Variants in ACOT7 observed in about 807,000 individuals in gnomAD.
ACOT7 encodes cytosolic acyl coenzyme A thioester hydrolase.
In ACOT7, 12 loss-of-function variants were observed where a neutral mutation model predicts 40.2. The ratio of observed to expected loss-of-function variants is 0.30; its 90% CI spans 0.19 to 0.48. ACOT7 has a LOEUF of 0.48. Ranked by LOEUF, ACOT7 falls within the 20% of genes least tolerant of loss-of-function variation. The probability of loss-of-function intolerance (pLI) is 0.99; values close to 1 mark genes in which losing one functional copy is unlikely to be tolerated. For missense variants in ACOT7, 395 were observed against 530.8 expected (o/e 0.74, Z 2.51); for synonymous variants, 228 against 219.5 (o/e 1.04, Z -0.34).
intron 8 of ACOT7, among the ~76,000 whole-genome samples, chr1:6,279,619 A>G (rs1347019428): frequency 1.3e-5 from 2 of 152,194 alleles, no homozygotes; most frequent in African/African-American, 4.8e-5. Context: ...AGCCTGGCCG[A>G]GTCCTCCTCA....
rs903823208 is a variant in ACOT7, at chr1:6,288,593, G to C, written c.829+6271C>G. Among the ~76,000 whole-genome samples, 10 of 152,326 alleles carry C rather than the reference G, an allele frequency of 6.6e-5. No homozygotes were observed. Among genetic ancestry groups the C allele is most frequent in the Non-Finnish European group, 1.3e-4 (9 of 68,024 alleles). The stretch of plus-strand genomic sequence containing the variant: ...GTCAAAAGGCTGTGACAATGGAGGT[G>C]GCACTGGGTTGGGCTGGTGAGGGGT... On this transcript the variant is annotated intron_variant, in intron 7 of 8. Transcript: ENST00000361521. This position sits in a 1 kb window ranked among gnomAD's most constrained non-coding sequence, Gnocchi z 4.3.
Position 6,393,491 on chromosome 1 carries a change from G to A in ACOT7, c.-92C>T. 1 of 1,113,120 alleles carries A rather than the reference G, an allele frequency of 9.0e-7. No homozygotes were observed. Among genetic ancestry groups the A allele is most frequent in the Non-Finnish European group, 1.1e-6 (1 of 886,858 alleles). The allele number at this position is 1,113,120 out of a possible 1,614,324, so 69.0% of individuals were successfully genotyped here. ...AACGCGGCCTCCCCGCGCCGACCCC[G>A]CCCCCGCGCCGGCCCCACCCCGAGC... On this transcript the variant is annotated 5_prime_UTR_variant, in exon 1 of 9. Coordinates refer to ENST00000361521, the MANE Select transcript of ACOT7 (RefSeq NM_007274.4).
At position 6,278,852 on chromosome 1, in the gene ACOT7, G is replaced by A. The variant is rs1479986256; in HGVS notation, c.1014+2250C>T. On this transcript the variant is annotated intron_variant, in intron 8 of 8. Coordinates refer to ENST00000361521, the MANE Select transcript of ACOT7 (RefSeq NM_007274.4). The surrounding 1 kb of genome is among the most constrained non-coding windows in gnomAD (Gnocchi z 4.1). ...TGAGGGCCTGGTCAGCTGTGCTACA[G>A]ACAGGGAGCGGACAGCAGACAGGGC... Among the ~76,000 whole-genome samples the A allele has an allele frequency of 6.6e-6, 1 of 152,218 alleles. No individual in the cohort carries two copies. The highest frequency in any genetic ancestry group is 2.4e-5 in the African/African-American group (1 of 41,456).
At chr1:6,340,248 G>A (rs1467764050) in intron 2 of ACOT7, among the ~76,000 whole-genome samples, 1 of 152,146 alleles carries the variant, frequency 6.6e-6, no homozygotes, top group African/African-American at 2.4e-5. Flanking sequence ...TTACAGGCAT[G>A]AGCCACCGCG....
At chr1:6,276,895 G>T (rs1639208338) in intron 8 of ACOT7, among the ~76,000 whole-genome samples, 1 of 152,114 alleles carries the variant, frequency 6.6e-6, no homozygotes, top group South Asian at 2.1e-4. Context: ...CACACCCAGG[G>T]GATGGGCTGC....
chr1:6,272,960 G>A (rs1485422290), intron 8 of ACOT7, among the ~76,000 whole-genome samples: 1 of 152,214 alleles, frequency 6.6e-6, no homozygotes, highest in Non-Finnish European at 1.5e-5. Flanking sequence ...GACAGCAGTG[G>A]GGACAGAGAG....
At chr1:6,304,527 C>T (rs998132238) in intron 6 of ACOT7, among the ~76,000 whole-genome samples, 1 of 134,294 alleles carries the variant, frequency 7.4e-6, no homozygotes. Context: ...TTTTCCTAGG[C>T]AGAGGACCCT....
At chr1:6,384,984 C>A (rs978918411) in intron 1 of ACOT7, among the ~76,000 whole-genome samples, 1 of 151,926 alleles carries the variant, frequency 6.6e-6, no homozygotes, top group African/African-American at 2.4e-5. Flanking sequence ...GCCCACTCAA[C>A]AGAGTTTCTG....
At chr1:6,308,758 T>C (rs1444478245) in intron 6 of ACOT7, among the ~76,000 whole-genome samples, 1 of 149,044 alleles carries the variant, frequency 6.7e-6, no homozygotes, top group Non-Finnish European at 1.5e-5. Context: ...TGGAGAGAAC[T>C]GCAACCACGT....
intron 7 of ACOT7, among the ~76,000 whole-genome samples, chr1:6,292,889 CTTTTTTTTTT>C (rs973103642): frequency 2.4e-5 from 3 of 125,102 alleles, no homozygotes; most frequent in African/African-American, 9.2e-5. Context: ...ATTTCTTTTT[CTTTTTTTTTT>C]TTTTTTTTGA....
intron 2 of ACOT7, among the ~76,000 whole-genome samples, chr1:6,343,246 C>T (rs1641324903): frequency 6.6e-6 from 1 of 152,212 alleles, no homozygotes; most frequent in African/African-American, 2.4e-5. Context: ...CTACCGCCTG[C>T]CGCCCCCAAA....
chr1:6,281,308 G>T lies in ACOT7; in HGVS notation c.830-22C>A, dbSNP rs200575720. 4.8e-4 allele frequency: 761 copies of T among 1,594,304 alleles called. 3 individuals carry two copies. The African/African-American group carries it at 0.011, about 22-fold the overall frequency. On this transcript the variant is annotated intron_variant, in intron 7 of 8. Transcript: ENST00000361521. Reference sequence around the variant, plus strand: ...CAGCCTGTGGAGAAGGGAGGGCGGGGGTCAGGGCGGCCTCCACCCCACGGC... The same window carrying T: ...CAGCCTGTGGAGAAGGGAGGGCGGGTGTCAGGGCGGCCTCCACCCCACGGC...
chr1:6,268,905 G>A (rs903124965), intron 8 of ACOT7, among the ~76,000 whole-genome samples: 7 of 152,296 alleles, frequency 4.6e-5, no homozygotes, highest in African/African-American at 9.6e-5. Flanking sequence ...CGCCGAGGGC[G>A]TGGGAGGACC....
chr1:6,280,331 G>A (rs1639318455), intron 8 of ACOT7, among the ~76,000 whole-genome samples: 1 of 152,236 alleles, frequency 6.6e-6, no homozygotes, highest in South Asian at 2.1e-4. Flanking sequence ...GGTCAGCCAG[G>A]ATGGGGAACC....
At chr1:6,392,119 G>T (rs1642542464) in intron 1 of ACOT7, among the ~76,000 whole-genome samples, 1 of 152,116 alleles carries the variant, frequency 6.6e-6, no homozygotes, top group Admixed American at 6.5e-5. Context: ...TGAGAGTCAA[G>T]AATCGCCATA....
chr1:6,329,293 C>T (rs569456668), intron 4 of ACOT7, among the ~76,000 whole-genome samples: 129 of 152,288 alleles, frequency 8.5e-4, no homozygotes, highest in African/African-American at 1.3e-3. Context: ...GGAGCTGAAG[C>T]GTTTGTTCAA....
At chr1:6,286,988 A>G (rs1004886027) in intron 7 of ACOT7, among the ~76,000 whole-genome samples, 2 of 152,202 alleles carry the variant, frequency 1.3e-5, no homozygotes, top group African/African-American at 4.8e-5. Flanking sequence ...GGGTTTCAGC[A>G]TGTTAGCCAG....
chr1:6,266,938 G>A (rs543732572), intron 8 of ACOT7, among the ~76,000 whole-genome samples: 20 of 152,358 alleles, frequency 1.3e-4, no homozygotes, highest in Non-Finnish European at 2.4e-4. Flanking sequence ...GGGAGACATC[G>A]GGTTGGGAGC....
intron 6 of ACOT7, among the ~76,000 whole-genome samples, chr1:6,300,089 C>G (rs1229830559): frequency 6.6e-6 from 1 of 152,172 alleles, no homozygotes; most frequent in Non-Finnish European, 1.5e-5. Flanking sequence ...ACATTGTTAA[C>G]TGGAGTATGT....
Sources: gnomAD v4.1 joint callset for allele counts (sites outside exome capture counted in the v4.1 genomes callset) on GRCh38, gnomAD v4.1.1 for gene constraint, Gnocchi (gnomAD v3.1) non-coding constraint, MANE v1.5 for transcripts, NCBI Gene and HGNC (gene_info 2026-07-23, HGNC 2026-07-21) for gene names.